KIAA1328: variants seen among roughly 807,000 people sequenced by gnomAD.
KIAA1328 encodes the protein protein hinderin.
Under a neutral mutation model 68.1 loss-of-function variants are expected in KIAA1328, and 52 were observed. The ratio of observed to expected loss-of-function variants is 0.76; its 90% CI spans 0.61 to 0.96. The LOEUF (loss-of-function observed/expected upper bound fraction) is 0.96, where lower values mean the gene tolerates loss of function less well. KIAA1328 is among the 40% of genes least tolerant of loss of function. The pLI, the probability that KIAA1328 is intolerant of heterozygous loss-of-function variation, is 0.00. For synonymous variants in KIAA1328, 232 were observed against 239.4 expected (o/e 0.97, Z 0.28); for missense variants, 641 against 677.6 (o/e 0.95, Z 0.60).
chr18:37,064,355 A>G (rs2056265676), intron 6 of KIAA1328, among the ~76,000 whole-genome samples: 2 of 152,150 alleles, frequency 1.3e-5, no homozygotes, highest in South Asian at 4.1e-4. Flanking sequence ...GTTAGTTGAT[A>G]CTTTTTACCC....
intron 7 of KIAA1328, among the ~76,000 whole-genome samples, chr18:37,158,213 T>C (rs1482769715): frequency 6.6e-6 from 1 of 152,102 alleles, no homozygotes; most frequent in African/African-American, 2.4e-5. Context: ...AAAACAATTT[T>C]TTTTCTTTAG....
At position 37,127,924 on chromosome 18, in the gene KIAA1328, T is replaced by C. The variant is rs183953592; in HGVS notation, c.1233-32276T>C. On this transcript the variant is annotated intron_variant, in intron 7 of 9. Transcript: ENST00000280020. ...AATAGGCCCACATATATATGTTCAA[T>C]TGATATTTTTTAAAACAAAAGTGCC... is the stretch of plus-strand genomic sequence containing the variant. 6.9e-4 allele frequency among the ~76,000 whole-genome samples: 105 copies of C among 152,228 alleles called. No homozygotes were observed. In the East Asian group the frequency reaches 0.013, roughly 18 times the overall value.
At chr18:36,881,271 A>T (rs1014022480) in intron 4 of KIAA1328, among the ~76,000 whole-genome samples, 3 of 152,018 alleles carry the variant, frequency 2.0e-5, no homozygotes, top group Non-Finnish European at 4.4e-5. Flanking sequence ...TTTTTAAAAC[A>T]GTGTGTACTT....
At chr18:37,025,800 C>T (rs536224276) in intron 6 of KIAA1328, among the ~76,000 whole-genome samples, 7 of 152,130 alleles carry the variant, frequency 4.6e-5, no homozygotes, top group Admixed American at 3.3e-4. Context: ...ACCCTAACAT[C>T]GCAATTAAAA....
intron 4 of KIAA1328, among the ~76,000 whole-genome samples, chr18:36,882,809 T>C (rs1272439186): frequency 9.2e-5 from 14 of 152,184 alleles, no homozygotes; most frequent in Non-Finnish European, 1.6e-4. Context: ...CTAGAGATAA[T>C]CTGTGCATTT....
chr18:36,981,040 G>A (rs1457980980), intron 6 of KIAA1328, among the ~76,000 whole-genome samples: 2 of 152,108 alleles, frequency 1.3e-5, no homozygotes, highest in East Asian at 1.9e-4. Context: ...AAACTTAATT[G>A]GTGAGGAACA....
chr18:37,075,255 T>A (rs1400874071), intron 7 of KIAA1328: 1 of 151,928 alleles, frequency 6.6e-6, no homozygotes, highest in Non-Finnish European at 1.5e-5. Context: ...GAAGGAGAAA[T>A]AAAATCCTTT....
At chr18:36,848,008 A>G (rs1241087829) in intron 4 of KIAA1328, among the ~76,000 whole-genome samples, 1 of 151,668 alleles carries the variant, frequency 6.6e-6, no homozygotes, top group Non-Finnish European at 1.5e-5. Flanking sequence ...AAAATCAGGT[A>G]AATCCTTTAG....
intron 9 of KIAA1328, among the ~76,000 whole-genome samples, chr18:37,207,524 C>A (rs982194664): frequency 2.2e-4 from 33 of 152,312 alleles, no homozygotes; most frequent in African/African-American, 7.7e-4. Context: ...GAGTATCACT[C>A]CTCTAGGTGT....
chr18:37,137,579 A>G (rs1181303235), intron 7 of KIAA1328, among the ~76,000 whole-genome samples: 2 of 152,154 alleles, frequency 1.3e-5, no homozygotes, highest in Admixed American at 1.3e-4. Context: ...TTGACTTCTC[A>G]ATAGTAGGTG....
chr18:37,229,520 G>T (rs1439998522), downstream of KIAA1328: 25 of 1,257,220 alleles, frequency 2.0e-5, no homozygotes, highest in East Asian at 5.9e-5. Context: ...TCAGAAACTG[G>T]GGTGGGAGGG....
intron 5 of KIAA1328, among the ~76,000 whole-genome samples, chr18:36,914,547 C>T (rs1341582619): frequency 1.3e-5 from 2 of 151,926 alleles, no homozygotes; most frequent in African/African-American, 4.8e-5. Context: ...TGGTGAAATC[C>T]CATCTCTACT....
chr18:37,162,162 AGC>A (rs561160388), intron 8 of KIAA1328, among the ~76,000 whole-genome samples: 306 of 152,294 alleles, frequency 2.0e-3, no homozygotes, highest in Middle Eastern at 0.01. Flanking sequence ...ACCAAGAGAA[AGC>A]TGTTACAATT....
At chr18:37,173,123 G>A (rs1195343636) in intron 9 of KIAA1328, 42 bp downstream of exon 9, 6 of 1,411,994 alleles carry the variant, frequency 4.2e-6, no homozygotes, top group Non-Finnish European at 3.9e-6. Flanking sequence ...TTCTCCCTAT[G>A]AGAGCATTTT....
In KIAA1328 at chr18:36,929,393, A is replaced by G. The variant is rs2050233509; in HGVS notation, c.449-29915A>G. On this transcript the variant is annotated intron_variant, in intron 5 of 9. Coordinates refer to ENST00000280020, the MANE Select transcript of KIAA1328 (RefSeq NM_020776.3). ...TTTAGTGTGTGGTTTGAGTTATTCT[A>G]GTCAATAGTTGAAGTGAATTTCAGT... Among the ~76,000 whole-genome samples, 5 of 151,282 alleles carry G rather than the reference A, an allele frequency of 3.3e-5. No homozygotes were observed. In the South Asian group the frequency reaches 1.0e-3, roughly 31 times the overall value.
intron 4 of KIAA1328, among the ~76,000 whole-genome samples, chr18:36,877,663 CTTT>C (rs908999170): frequency 8.6e-6 from 1 of 116,026 alleles, no homozygotes. Context: ...CAGTCTGTGT[CTTT>C]TTTTTTTTTT....
intron 6 of KIAA1328, among the ~76,000 whole-genome samples, chr18:36,977,989 G>T (rs929252634): frequency 6.6e-6 from 1 of 151,970 alleles, no homozygotes; most frequent in African/African-American, 2.4e-5. Flanking sequence ...TTGCCATGTT[G>T]CCCAGGCTGG....
chr18:37,127,650 A>AT (rs1223291436), intron 7 of KIAA1328, among the ~76,000 whole-genome samples: 1 of 152,204 alleles, frequency 6.6e-6, no homozygotes, highest in Non-Finnish European at 1.5e-5. Flanking sequence ...TAAGATGTCA[A>AT]TTCTCTAACA....
rs146346753 is a variant in KIAA1328 at position 37,153,580 on chromosome 18, T to A, written c.1233-6620T>A. Among the ~76,000 whole-genome samples the A allele has an allele frequency of 2.0e-5, 3 of 151,750 alleles. No individual in the cohort carries two copies. The East Asian group carries it at 5.8e-4, about 29-fold the overall frequency. On this transcript the variant is annotated intron_variant, in intron 7 of 9. Coordinates refer to ENST00000280020, the MANE Select transcript of KIAA1328 (RefSeq NM_020776.3). ...TATAGGTACATACATGTATTCTCTT[T>A]CCGTGTTCACAGCAAGGACTTGGGA... is the stretch of plus-strand genomic sequence containing the variant.
Sources: allele counts gnomAD v4.1 joint callset (sites outside exome capture counted in the v4.1 genomes callset), GRCh38; gene constraint gnomAD v4.1.1; transcripts MANE v1.5; gene names NCBI Gene and HGNC (gene_info 2026-07-23, HGNC 2026-07-21).